Variants in MFSD11 observed in about 807,000 individuals in gnomAD.
The protein encoded by MFSD11 is UNC93-like protein MFSD11.
In MFSD11, 36 loss-of-function variants were observed where a neutral mutation model predicts 53.5. The ratio of observed to expected loss-of-function variants is 0.67; its 90% CI spans 0.52 to 0.89. The LOEUF (loss-of-function observed/expected upper bound fraction) is 0.89, where lower values mean the gene tolerates loss of function less well. Among genes scored for constraint, MFSD11 ranks in the 40% least tolerant of loss-of-function variants. MFSD11 has a pLI of 0.00. For missense variants in MFSD11, 530 were observed against 543.9 expected (o/e 0.97, Z 0.25); for synonymous variants, 186 against 184.9 (o/e 1.01, Z -0.05).
chr17:76,794,598 T>C, the MFSD11 span, among the ~76,000 whole-genome samples: 2 of 124,190 alleles, frequency 1.6e-5, no homozygotes, highest in African/African-American at 6.3e-5. Context: ...GCCAAGATCA[T>C]GCCATTGCAC....
Position 76,778,167 on chromosome 17 carries a change from ATTTGT to A in MFSD11, c.1186-13_1186-9del. The A allele has an allele frequency of 1.9e-6, 3 of 1,613,460 alleles. No individual in the cohort carries two copies. Among genetic ancestry groups the A allele is most frequent in the Non-Finnish European group, 2.5e-6 (3 of 1,179,688 alleles). On this transcript the variant is annotated splice_polypyrimidine_tract_variant and intron_variant, in intron 12 of 12. Transcript: ENST00000685175. ...TGTGGCCCCCGGTGCGCCCGTTGTG[ATTTGT>A]TTTGTTTGTTCTTAGTCTATTTGCG...
chr17:76,762,140 A>G (rs2080319141), intron 8 of MFSD11, among the ~76,000 whole-genome samples: 1 of 151,876 alleles, frequency 6.6e-6, no homozygotes. Flanking sequence ...TTTCACTACT[A>G]TTGCACCCAT....
downstream of MFSD11, among the ~76,000 whole-genome samples, chr17:76,785,483 G>A (rs190907559): frequency 6.6e-6 from 1 of 151,532 alleles, no homozygotes; most frequent in Non-Finnish European, 1.5e-5. Context: ...GACCACAAGC[G>A]CATCCCACCA....
downstream of MFSD11, among the ~76,000 whole-genome samples, chr17:76,786,364 C>G (rs896054195): frequency 1.3e-5 from 2 of 151,894 alleles, no homozygotes; most frequent in Non-Finnish European, 2.9e-5. Context: ...AGGCTGGTCT[C>G]GAACTGACCT....
At chr17:76,736,765 C>T (rs1330424305), upstream of MFSD11, 2 of 1,405,324 alleles carry the variant, frequency 1.4e-6, no homozygotes, top group Non-Finnish European at 9.2e-7. Context: ...GCGCGCCCCG[C>T]CCCGCCTCCC....
intron 9 of MFSD11, 145 bp downstream of exon 9, chr17:76,767,596 G>A: frequency 1.7e-6 from 1 of 573,652 alleles, no homozygotes; most frequent in East Asian, 3.1e-5. Flanking sequence ...GGGGTCTCTT[G>A]TGGCTGGTTT....
chr17:76,802,462 T>C, the MFSD11 span, among the ~76,000 whole-genome samples: 1 of 152,198 alleles, frequency 6.6e-6, no homozygotes, highest in Non-Finnish European at 1.5e-5. Context: ...CAACTCTAAC[T>C]CTTAGAAATT....
Position 76,740,841 on chromosome 17 carries a change from A to C in MFSD11, c.153-116A>C, listed in dbSNP as rs556539329. The C allele has an allele frequency of 4.0e-5, 26 of 649,458 alleles. No homozygotes were observed. The East Asian group carries it at 5.6e-4, about 14-fold the overall frequency. 40.2% of individuals were successfully genotyped at this position (649,458 alleles called of 1,614,324 possible). A position where few individuals can be genotyped will look rare whatever the true frequency, so the allele number is the denominator to read the frequency against. ...ATATAACTATCATAAATTCTGACTA[A>C]ATAATATGAGTGTTTATTGTAAAAT... On this transcript the variant is annotated intron_variant, in intron 2 of 12. Coordinates refer to ENST00000685175, the MANE Select transcript of MFSD11 (RefSeq NM_001242532.5).
At chr17:76,747,888 TC>T (rs1323211570) in intron 7 of MFSD11, 1 of 152,222 alleles carries the variant, frequency 6.6e-6, no homozygotes, top group Non-Finnish European at 1.5e-5. Context: ...TCTTCCTGAA[TC>T]GTCTCCTAAA....
rs2078377532 is a variant in MFSD11 at position 76,744,479 on chromosome 17, A to G, written c.641+13A>G. 1 of 1,603,964 alleles carries G rather than the reference A, an allele frequency of 6.2e-7. No individual in the cohort carries two copies. Among genetic ancestry groups the G allele is most frequent in the East Asian group, 2.2e-5 (1 of 44,824 alleles). On this transcript the variant is annotated intron_variant, in intron 7 of 12. Coordinates refer to ENST00000685175, the MANE Select transcript of MFSD11 (RefSeq NM_001242532.5). ...TGGAAGTCAACGAGTAAGATGTTGG[A>G]AACATTCTATTTTATTTTAAAATAG...
chr17:76,740,098 C>T (rs965621896), intron 2 of MFSD11, among the ~76,000 whole-genome samples: 4 of 149,438 alleles, frequency 2.7e-5, no homozygotes, highest in African/African-American at 4.9e-5. Flanking sequence ...GGCGTGAACC[C>T]GGGAAGGGGA....
the MFSD11 span, among the ~76,000 whole-genome samples, chr17:76,794,621 G>A: frequency 2.8e-5 from 3 of 106,342 alleles, no homozygotes; most frequent in Non-Finnish European, 5.2e-5. Flanking sequence ...CAACCTTGGC[G>A]ACAGAGCAAA....
the MFSD11 span, among the ~76,000 whole-genome samples, chr17:76,797,724 C>T: frequency 6.6e-6 from 1 of 151,958 alleles, no homozygotes; most frequent in Non-Finnish European, 1.5e-5. Context: ...GTTGGAGTTG[C>T]CCCAGTTCAA....
upstream of MFSD11, chr17:76,736,696 C>G (rs923446001): frequency 3.0e-5 from 39 of 1,295,544 alleles, no homozygotes; most frequent in Non-Finnish European, 3.6e-5. Flanking sequence ...ACCCCCGCCC[C>G]GTCCGGGCCC....
At chr17:76,739,075 T>A in intron 2 of MFSD11, 82 bp downstream of exon 2, 1 of 1,065,760 alleles carries the variant, frequency 9.4e-7, no homozygotes, top group Non-Finnish European at 1.5e-6. Flanking sequence ...AATAGAATAT[T>A]GTGATTGAAT....
At chr17:76,793,192 C>T in the MFSD11 span, among the ~76,000 whole-genome samples, 1 of 151,122 alleles carries the variant, frequency 6.6e-6, no homozygotes. Flanking sequence ...ATTTATTAGG[C>T]GGGAATTTCC....
At chr17:76,793,519 A>G in the MFSD11 span, among the ~76,000 whole-genome samples, 2 of 151,354 alleles carry the variant, frequency 1.3e-5, no homozygotes, top group Non-Finnish European at 2.9e-5. Context: ...TATTGTTCAA[A>G]CACACATGCT....
At chr17:76,752,606 C>G (rs2079156226) in intron 7 of MFSD11, among the ~76,000 whole-genome samples, 1 of 152,070 alleles carries the variant, frequency 6.6e-6, no homozygotes, top group African/African-American at 2.4e-5. Context: ...ATCTGAAACT[C>G]CTGACCTCAA....
downstream of MFSD11, among the ~76,000 whole-genome samples, chr17:76,786,196 G>GT (rs2082272428): frequency 6.8e-6 from 1 of 147,662 alleles, no homozygotes; most frequent in Non-Finnish European, 1.5e-5. Context: ...CCAGGCTGGA[G>GT]TGTAGTGGTG....
Sources: gnomAD v4.1 joint callset for allele counts (sites outside exome capture counted in the v4.1 genomes callset) on GRCh38, gnomAD v4.1.1 for gene constraint, MANE v1.5 for transcripts, NCBI Gene and HGNC (gene_info 2026-07-23, HGNC 2026-07-21) for gene names.